The following NCALD variants were observed in gnomAD, a reference collection of about 807,000 sequenced individuals.
The protein encoded by NCALD is neurocalcin-delta.
Under a neutral mutation model 18.6 loss-of-function variants are expected in NCALD, and 10 were observed. That is an observed-to-expected ratio of 0.54 (90% CI 0.33 to 0.91). The LOEUF (loss-of-function observed/expected upper bound fraction) is 0.91, where lower values mean the gene tolerates loss of function less well. NCALD is among the 40% of genes least tolerant of loss of function. The probability of loss-of-function intolerance (pLI) is 0.03; values close to 1 mark genes in which losing one functional copy is unlikely to be tolerated. For synonymous variants in NCALD, 88 were observed against 87.4 expected, an observed-to-expected ratio of 1.01 and a Z score of -0.04; for missense variants, 184 against 247.6, an observed-to-expected ratio of 0.74 and a Z score of 1.72.
chr8:101,872,089 C>T (rs1816044908), intron 4 of NCALD: 2 of 1,548,832 alleles, frequency 1.3e-6, no homozygotes, highest in Non-Finnish European at 1.8e-6. Context: ...ATTGGGTATG[C>T]AGGTGGTTGA....
At chr8:102,032,661 AGATG>A (rs1466383632) in intron 1 of NCALD, among the ~76,000 whole-genome samples, 2 of 150,124 alleles carry the variant, frequency 1.3e-5, no homozygotes, top group African/African-American at 4.9e-5. Context: ...AGGAATAGGC[AGATG>A]GATGACCTCT....
intron 4 of NCALD, among the ~76,000 whole-genome samples, chr8:101,841,585 G>T (rs556879172): frequency 2.4e-4 from 36 of 152,336 alleles, no homozygotes; most frequent in African/African-American, 7.9e-4. Context: ...TTGGGGAAAG[G>T]CAGATGCAAA....
intron 4 of NCALD, among the ~76,000 whole-genome samples, chr8:101,817,760 C>T (rs1212844796): frequency 2.6e-5 from 4 of 152,152 alleles, no homozygotes; most frequent in African/African-American, 4.8e-5. Context: ...AGACCCCTCC[C>T]GTGAATGCAG....
chr8:101,839,828 G>A (rs1814567499), intron 4 of NCALD, among the ~76,000 whole-genome samples: 2 of 152,168 alleles, frequency 1.3e-5, no homozygotes, highest in South Asian at 2.1e-4. Flanking sequence ...TGAAGTCCCT[G>A]AGAGGGAAGC....
chr8:101,740,326 T>C (rs994244172), intron 1 of NCALD, among the ~76,000 whole-genome samples: 5 of 152,224 alleles, frequency 3.3e-5, no homozygotes, highest in Admixed American at 6.5e-5. Context: ...GACTTTCACA[T>C]ACACTATTTC....
chr8:101,986,078 G>T (rs368750480), intron 2 of NCALD, among the ~76,000 whole-genome samples: 3 of 150,924 alleles, frequency 2.0e-5, no homozygotes, highest in East Asian at 3.9e-4. Context: ...TCACTCTGTC[G>T]CCCAGGCAGT....
chr8:102,036,151 T>A (rs796973117), intron 1 of NCALD, among the ~76,000 whole-genome samples: 24,104 of 148,528 alleles, frequency 0.16, 2,113 homozygotes, highest in Non-Finnish European at 0.2. Flanking sequence ...ATAAATTAAT[T>A]AATTAATTAA....
intron 4 of NCALD, among the ~76,000 whole-genome samples, chr8:101,827,633 C>G (rs1200521422): frequency 6.6e-6 from 1 of 152,180 alleles, no homozygotes; most frequent in Non-Finnish European, 1.5e-5. Context: ...AAAGGCATGT[C>G]CTGGAATTGT....
In NCALD at chr8:101,753,062, C is replaced by T. The variant is rs112127562; in HGVS notation, c.-19-33414G>A. Among the ~76,000 whole-genome samples, 7 of 152,154 alleles carry T rather than the reference C, an allele frequency of 4.6e-5. No homozygotes were observed. In the East Asian group the frequency reaches 5.8e-4, roughly 13 times the overall value. ...GTACCATGTTGAACAGGAAAGATAG[C>T]GGGAGGCACAGAGAATATACAAATA... On this transcript the variant is annotated intron_variant, in intron 1 of 3. Coordinates refer to ENST00000220931, the MANE Select transcript of NCALD (RefSeq NM_032041.3).
chr8:101,919,410 C>A (rs903086424), intron 2 of NCALD, among the ~76,000 whole-genome samples: 11 of 151,988 alleles, frequency 7.2e-5, no homozygotes, highest in African/African-American at 2.7e-4. Context: ...GATGTAAGAC[C>A]TCAAACTATA....
At chr8:101,898,354 C>T (rs892883046) in intron 3 of NCALD, among the ~76,000 whole-genome samples, 5 of 152,138 alleles carry the variant, frequency 3.3e-5, no homozygotes, top group African/African-American at 1.2e-4. Context: ...TAAGATATCT[C>T]TTTTGCCCAT....
intron 1 of NCALD, among the ~76,000 whole-genome samples, chr8:102,030,803 G>A (rs544855639): frequency 1.4e-4 from 22 of 152,226 alleles, no homozygotes; most frequent in Admixed American, 7.8e-4. Context: ...TTGAACCCAC[G>A]AGGTGGAGGT....
At chr8:102,014,526 A>T (rs1822013765) in intron 2 of NCALD, among the ~76,000 whole-genome samples, 1 of 152,188 alleles carries the variant, frequency 6.6e-6, no homozygotes, top group Non-Finnish European at 1.5e-5. Context: ...AGCACCAGAA[A>T]ATTCCCTGCT....
intron 2 of NCALD, among the ~76,000 whole-genome samples, chr8:101,934,685 AAC>A (rs1268664345): frequency 6.6e-6 from 1 of 152,170 alleles, no homozygotes; most frequent in African/African-American, 2.4e-5. Flanking sequence ...AGGAAAAAAA[AAC>A]AGATTGCAAA....
intron 1 of NCALD, among the ~76,000 whole-genome samples, chr8:102,090,394 A>G (rs998737486): frequency 3.9e-5 from 6 of 152,166 alleles, no homozygotes; most frequent in Non-Finnish European, 7.3e-5. Context: ...GTTTATAATC[A>G]GCTACAGGAC....
Position 102,106,464 on chromosome 8 carries a change from TATAC to T in NCALD, c.-210+17769_-210+17772del, listed in dbSNP as rs1554598543. On this transcript the variant is annotated intron_variant, in intron 1 of 6. Coordinates refer to the NCALD transcript ENST00000311028. ...CATATAGTATATATATATATATATA[TATAC>T]ACACACACACACACACACACACATA... Among the ~76,000 whole-genome samples the T allele has an allele frequency of 3.0e-3, 415 of 138,616 alleles. 1 individual carries two copies. Among genetic ancestry groups the T allele is most frequent in the African/African-American group, 0.01 (390 of 38,270 alleles). The allele number at this position is 138,616 out of a possible 152,430, so 90.9% of individuals were successfully genotyped here.
chr8:101,982,162 A>C (rs920976057), intron 2 of NCALD, among the ~76,000 whole-genome samples: 1 of 152,122 alleles, frequency 6.6e-6, no homozygotes, highest in African/African-American at 2.4e-5. Flanking sequence ...ATGCTTGTAC[A>C]CCCTTCAGAA....
intron 4 of NCALD, among the ~76,000 whole-genome samples, chr8:101,842,142 T>C (rs1326487586): frequency 1.3e-5 from 2 of 152,182 alleles, no homozygotes; most frequent in African/African-American, 4.8e-5. Flanking sequence ...CTTCCCTCTC[T>C]ACATCTCTAT....
chr8:101,804,800 C>T (rs189276627), intron 4 of NCALD, among the ~76,000 whole-genome samples: 17 of 150,004 alleles, frequency 1.1e-4, no homozygotes, highest in Middle Eastern at 3.5e-3. Flanking sequence ...TTATATGTAC[C>T]GAGAAACCAA....
Sources: allele counts gnomAD v4.1 joint callset (sites outside exome capture counted in the v4.1 genomes callset), GRCh38; gene constraint gnomAD v4.1.1; transcripts MANE v1.5; gene names NCBI Gene and HGNC (gene_info 2026-07-23, HGNC 2026-07-21).